The following UFL1 variants were observed in gnomAD, a reference collection of about 807,000 sequenced individuals.
The protein encoded by UFL1 is UFM1 specific ligase 1, also known as E3 UFM1-protein ligase 1.
UFL1 carries 78 observed loss-of-function variants against 99.3 expected under a neutral mutation model. That is an observed-to-expected ratio of 0.79 (90% CI 0.65 to 0.95). The LOEUF (loss-of-function observed/expected upper bound fraction) is 0.95, where lower values mean the gene tolerates loss of function less well. Ranked by LOEUF, UFL1 falls within the 40% of genes least tolerant of loss-of-function variation. The pLI, the probability that UFL1 is intolerant of heterozygous loss-of-function variation, is 0.00. For missense variants in UFL1, 936 were observed against 937.0 expected (o/e 1.00, Z 0.01); for synonymous variants, 335 against 322.2 (o/e 1.04, Z -0.42).
intron 5 of UFL1, among the ~76,000 whole-genome samples, chr6:96,528,243 A>G (rs566701383): frequency 3.3e-5 from 5 of 152,028 alleles, no homozygotes; most frequent in Admixed American, 6.5e-5. Context: ...CTCATTAACA[A>G]GAGATAATAT....
rs1409220831 is a variant in UFL1, at chr6:96,553,591, C to A, written c.*88C>A. ...ACAAAAAAGTAGTCACTATACAACT[C>A]CCCTCTCCCTGCAAAAACCACCTCA... On this transcript the variant is annotated 3_prime_UTR_variant, in exon 19 of 19. Coordinates refer to ENST00000369278, the MANE Select transcript of UFL1 (RefSeq NM_015323.5). 4.6e-6 allele frequency: 5 copies of A among 1,093,716 alleles called. No homozygotes were observed. In the Admixed American group the frequency reaches 1.2e-4, roughly 27 times the overall value. 67.8% of individuals were successfully genotyped at this position (1,093,716 alleles called of 1,614,324 possible). A position where few individuals can be genotyped will look rare whatever the true frequency, so the allele number is the denominator to read the frequency against.
In UFL1 at chr6:96,553,172, C is replaced by A. The variant is rs1034840768; in HGVS notation, c.2167-113C>A. On this transcript the variant is annotated intron_variant, in intron 18 of 18. Coordinates refer to ENST00000369278, the MANE Select transcript of UFL1 (RefSeq NM_015323.5). ...AGATTAGACTTGCTACTTACATGGC[C>A]AGTTTTTTGTAAAGATGAGGACCTT... 9 of 961,798 alleles carry A rather than the reference C, an allele frequency of 9.4e-6. No homozygotes were observed. The African/African-American group carries it at 1.3e-4, about 14-fold the overall frequency. The allele number at this position is 961,798 out of a possible 1,614,324, so 59.6% of individuals were successfully genotyped here. A position where few individuals can be genotyped will look rare whatever the true frequency, so the allele number is the denominator to read the frequency against.
chr6:96,530,082 T>C (rs1769763022), intron 6 of UFL1, among the ~76,000 whole-genome samples: 1 of 152,210 alleles, frequency 6.6e-6, no homozygotes, highest in African/African-American at 2.4e-5. Context: ...TACTGGTTAT[T>C]GTAATAATGT....
Position 96,528,636 on chromosome 6 carries a change from A to T in UFL1, c.596+4A>T, listed in dbSNP as rs1310496569. ...GACTATTCAGTGCTATTACCCGGTA[A>T]GTATATTTTAAAGTATATATATTTG... On this transcript the variant is annotated splice_donor_region_variant and intron_variant, in intron 6 of 18. Coordinates refer to ENST00000369278, the MANE Select transcript of UFL1 (RefSeq NM_015323.5). The T allele has an allele frequency of 6.2e-7, 1 of 1,608,616 alleles. No individual in the cohort carries two copies. Among genetic ancestry groups the T allele is most frequent in the Non-Finnish European group, 8.5e-7 (1 of 1,177,948 alleles).
chr6:96,529,581 T>G (rs1018060362), intron 6 of UFL1, among the ~76,000 whole-genome samples: 2 of 152,224 alleles, frequency 1.3e-5, no homozygotes, highest in Admixed American at 6.5e-5. Flanking sequence ...TACTCTTTTT[T>G]TAAACATAAC....
At position 96,538,655 on chromosome 6, in the gene UFL1, G is replaced by A. The variant is rs891321929; in HGVS notation, c.1003G>A (p.Val335Ile). The A allele has an allele frequency of 1.2e-6, 2 of 1,610,868 alleles. No individual in the cohort carries two copies. The highest frequency in any genetic ancestry group is 1.7e-6 in the Non-Finnish European group (2 of 1,177,924). ...IAPLLPTSLSVEDAAILLQQV... is the reference protein window; with the variant it reads ...IAPLLPTSLSIEDAAILLQQV... ...GCCTCTGCTACCCACTTCTTTATCA[G>A]TTGAAGATGCTGCCATATTGCTTCA... The change falls in exon 10 of 19, where the codon GTT (valine) becomes ATT (isoleucine). Residue 335 changes from valine to isoleucine, a missense_variant. Physicochemically the swap from Val to Ile is conservative, Grantham distance 29. Transcript: ENST00000369278.
intron 5 of UFL1, among the ~76,000 whole-genome samples, chr6:96,527,138 T>G (rs1050538385): frequency 3.3e-5 from 5 of 152,022 alleles, no homozygotes; most frequent in African/African-American, 7.3e-5. Flanking sequence ...TTCTGTTTTT[T>G]TTTGTTTGTT....
intron 8 of UFL1, 139 bp downstream of exon 8, chr6:96,536,529 G>T: frequency 1.9e-6 from 1 of 530,740 alleles, no homozygotes; most frequent in Admixed American, 4.1e-5. Context: ...TTTAAAAATG[G>T]GAACCCTAGA....
intron 11 of UFL1, among the ~76,000 whole-genome samples, chr6:96,542,119 T>C (rs1478397819): frequency 2.6e-5 from 4 of 151,360 alleles, no homozygotes; most frequent in Admixed American, 1.3e-4. Flanking sequence ...GTTATCAGTA[T>C]TCCATTTTGT....
chr6:96,531,023 G>A (rs7761241), intron 6 of UFL1, among the ~76,000 whole-genome samples: 97 of 152,262 alleles, frequency 6.4e-4, no homozygotes, highest in East Asian at 9.7e-4. Flanking sequence ...GATCAGTGGC[G>A]GCATTAGATT....
At position 96,554,736 on chromosome 6, in the gene UFL1, G is replaced by A. The variant is rs1357106947; in HGVS notation, c.*1233G>A. The A allele has an allele frequency of 6.6e-6, 1 of 152,480 alleles. No homozygotes were observed. The highest frequency in any genetic ancestry group is 2.1e-4 in the South Asian group (1 of 4,832). 9.4% of individuals were successfully genotyped at this position (152,480 alleles called of 1,614,324 possible). ...GACAAAGTATTAATCCTTAGTGAAA[G>A]TAATTAATTAAATTGCCAACTTGGC... On this transcript the variant is annotated 3_prime_UTR_variant, in exon 19 of 19. Transcript: ENST00000369278.
chr6:96,523,022 T>C (rs1343818709), intron 1 of UFL1, 124 bp from the exon 2 acceptor site: 3 of 853,412 alleles, frequency 3.5e-6, no homozygotes, highest in African/African-American at 3.5e-5. Context: ...AATACAGATA[T>C]TGTGATGTAG....
At chr6:96,532,324 G>A (rs1414047332) in intron 6 of UFL1, among the ~76,000 whole-genome samples, 3 of 152,184 alleles carry the variant, frequency 2.0e-5, no homozygotes, top group Non-Finnish European at 4.4e-5. Context: ...AAACATGAGA[G>A]GTTGTAACAA....
intron 12 of UFL1, among the ~76,000 whole-genome samples, chr6:96,547,934 CA>C: frequency 6.6e-6 from 1 of 151,628 alleles, no homozygotes; most frequent in Admixed American, 6.6e-5. Context: ...ATTCATGTAA[CA>C]AGCATGCATA....
intron 13 of UFL1, 44 bp downstream of exon 13, chr6:96,548,325 A>G (rs766477129): frequency 1.0e-5 from 12 of 1,169,592 alleles, no homozygotes; most frequent in Non-Finnish European, 1.5e-5. Context: ...TAGAAATTAA[A>G]TGGGTTATTA....
chr6:96,533,389 G>C (rs1008614468), intron 6 of UFL1, among the ~76,000 whole-genome samples: 2 of 151,810 alleles, frequency 1.3e-5, no homozygotes, highest in African/African-American at 2.4e-5. Flanking sequence ...AACAAAATGT[G>C]GTATATTCAT....
chr6:96,524,556 TTGATTTAAC>T, intron 3 of UFL1, 146 bp downstream of exon 3: 1 of 531,892 alleles, frequency 1.9e-6, no homozygotes, highest in Non-Finnish European at 3.2e-6. Flanking sequence ...ATACACTGAA[TTGATTTAAC>T]AAGTTCTGAT....
intron 4 of UFL1, among the ~76,000 whole-genome samples, chr6:96,525,930 T>TA (rs1285820398): frequency 3.3e-5 from 5 of 151,434 alleles, no homozygotes; most frequent in African/African-American, 1.2e-4. Context: ...GTTTGCTAAT[T>TA]AAAAAATTAG....
At chr6:96,552,237 C>T (rs1049095181) in intron 17 of UFL1, among the ~76,000 whole-genome samples, 1 of 151,990 alleles carries the variant, frequency 6.6e-6, no homozygotes, top group African/African-American at 2.4e-5. Context: ...CCTCCAGCAA[C>T]TCAAAACAAA....
Sources: allele counts gnomAD v4.1 joint callset (sites outside exome capture counted in the v4.1 genomes callset), GRCh38; gene constraint gnomAD v4.1.1; transcripts MANE v1.5; gene names NCBI Gene and HGNC (gene_info 2026-07-23, HGNC 2026-07-21).